The following SEC14L2 variants were observed in gnomAD, a reference collection of about 807,000 sequenced individuals.
SEC14L2 encodes SEC14 like lipid binding 2.
A neutral mutation model predicts 56.9 loss-of-function variants in SEC14L2; 50 were observed. The ratio of observed to expected loss-of-function variants is 0.88; its 90% CI spans 0.70 to 1.11. The LOEUF (loss-of-function observed/expected upper bound fraction) is 1.11. Ranked by LOEUF, SEC14L2 falls within the 50% of genes most tolerant of loss-of-function variation. The pLI is 0.00. For synonymous variants in SEC14L2, 179 were observed against 188.5 expected (o/e 0.95, Z 0.41); for missense variants, 414 against 500.7 (o/e 0.83, Z 1.65).
intron 1 of SEC14L2, 36 bp downstream of exon 1, chr22:30,397,206 G>T: frequency 6.7e-7 from 1 of 1,483,416 alleles, no homozygotes. Context: ...CCCGCCTCGG[G>T]CTGTGGCCCT....
chr22:30,407,106 C>T lies in SEC14L2; in HGVS notation c.186C>T (p.Phe62=). ...TTGTATCTTTGTAGCATGTGGAGTT[C>T]CGAAAGCAAAAGGACATTGACAACA... ...SEAMLRKHVE[F]RKQKDIDNII... is the part of the protein sequence containing the mutation. The change falls in exon 4 of 12, where the codon TTC becomes TTT. Residue 62 remains phenylalanine, a synonymous_variant. Coordinates refer to ENST00000615189, the MANE Select transcript of SEC14L2 (RefSeq NM_012429.5). 6.2e-7 allele frequency: 1 copy of T among 1,613,832 alleles called. No homozygotes were observed. Among genetic ancestry groups the T allele is most frequent in the African/African-American group, 1.3e-5 (1 of 75,008 alleles).
chr22:30,407,868 C>T (rs1476298799), intron 5 of SEC14L2, among the ~76,000 whole-genome samples: 2 of 152,056 alleles, frequency 1.3e-5, no homozygotes, highest in African/African-American at 2.4e-5. Context: ...TGGACCTGGC[C>T]GAGGCCCAGG....
intron 2 of SEC14L2, among the ~76,000 whole-genome samples, chr22:30,402,113 C>G (rs1164193841): frequency 6.6e-6 from 1 of 152,158 alleles, no homozygotes; most frequent in African/African-American, 2.4e-5. Flanking sequence ...CCCCCTACCC[C>G]AGTCCACCGC....
chr22:30,409,952 C>T (rs552054560), intron 7 of SEC14L2, among the ~76,000 whole-genome samples: 1 of 151,906 alleles, frequency 6.6e-6, no homozygotes, highest in African/African-American at 2.4e-5. Flanking sequence ...AATCCCAGCA[C>T]TTTGGGAGGC....
chr22:30,397,537 A>G lies in SEC14L2; in HGVS notation c.54+367A>G, dbSNP rs909979004. 3 of 303,960 alleles carry G rather than the reference A, an allele frequency of 9.9e-6. No homozygotes were observed. The Admixed American group carries it at 1.5e-4, about 15-fold the overall frequency. 18.8% of individuals were successfully genotyped at this position (303,960 alleles called of 1,614,324 possible). A position where few individuals can be genotyped will look rare whatever the true frequency, so the allele number is the denominator to read the frequency against. The stretch of plus-strand genomic sequence containing the variant: ...GGGGCAGGGGCCCAAGTTTCCTCCC[A>G]TTTCCGGGAGGCTTTCTTCTTGTAG... On this transcript the variant is annotated intron_variant, in intron 1 of 11. Coordinates refer to ENST00000615189, the MANE Select transcript of SEC14L2 (RefSeq NM_012429.5).
At chr22:30,397,522 C>T (rs1025991660) in intron 1 of SEC14L2, 33 of 337,036 alleles carry the variant, frequency 9.8e-5, no homozygotes, top group Non-Finnish European at 1.7e-4. Flanking sequence ...GGGGCAGGGG[C>T]CCAAGTTTCC....
chr22:30,419,929 T>C (rs1934471816), intron 11 of SEC14L2, among the ~76,000 whole-genome samples: 1 of 151,876 alleles, frequency 6.6e-6, no homozygotes, highest in South Asian at 2.1e-4. Flanking sequence ...TCTAAAATTA[T>C]GTGCCTTTTT....
rs1233808130 is a variant in SEC14L2, at chr22:30,423,566, GC to G, written c.*1163del. On this transcript the variant is annotated 3_prime_UTR_variant, in exon 12 of 12. Transcript: ENST00000615189. ...CACAGCCCTTACCCCAATCCCACGA[GC>G]CCCGCCAACGAACCACAGGTGCTGG... 1 of 152,302 alleles carries G rather than the reference GC, an allele frequency of 6.6e-6. No individual in the cohort carries two copies. Among genetic ancestry groups the G allele is most frequent in the Non-Finnish European group, 1.5e-5 (1 of 68,072 alleles). 9.4% of individuals were successfully genotyped at this position (152,302 alleles called of 1,614,324 possible).
In SEC14L2 at chr22:30,422,935, CAGG is replaced by C. The variant is rs1934561006; in HGVS notation, c.*532_*534del. On this transcript the variant is annotated 3_prime_UTR_variant, in exon 12 of 12. Coordinates refer to ENST00000615189, the MANE Select transcript of SEC14L2 (RefSeq NM_012429.5). ...GTAGCTTTTGGCTTTTCCCAGGTCT[CAGG>C]AGGTGGCCTGAGTCAGCACACATCT... 1 of 153,222 alleles carries C rather than the reference CAGG, an allele frequency of 6.5e-6. No individual in the cohort carries two copies. Among genetic ancestry groups the C allele is most frequent in the Non-Finnish European group, 1.5e-5 (1 of 68,458 alleles). The allele number at this position is 153,222 out of a possible 1,614,324, so 9.5% of individuals were successfully genotyped here. A position where few individuals can be genotyped will look rare whatever the true frequency, so the allele number is the denominator to read the frequency against.
In SEC14L2 at chr22:30,422,524, C is replaced by T; in HGVS notation, c.*117C>T. On this transcript the variant is annotated 3_prime_UTR_variant, in exon 12 of 12. Coordinates refer to ENST00000615189, the MANE Select transcript of SEC14L2 (RefSeq NM_012429.5). Reference sequence around the variant, plus strand: ...AAAGAAACTGGGCTGGAGGACAGACCTCAGGAGCTTTCATTTCAGTTAGGC... The same window carrying T: ...AAAGAAACTGGGCTGGAGGACAGACTTCAGGAGCTTTCATTTCAGTTAGGC... The T allele has an allele frequency of 2.3e-6, 3 of 1,311,330 alleles. No individual in the cohort carries two copies. The highest frequency in any genetic ancestry group is 2.8e-5 in the South Asian group (2 of 71,128). 81.2% of individuals were successfully genotyped at this position (1,311,330 alleles called of 1,614,324 possible).
At chr22:30,407,045 C>A (rs745695999) in intron 3 of SEC14L2, 50 bp from the exon 4 acceptor site, 3 of 1,587,396 alleles carry the variant, frequency 1.9e-6, no homozygotes, top group South Asian at 2.2e-5. Flanking sequence ...AACCACCATG[C>A]CTGGCTGTCC....
intron 2 of SEC14L2, among the ~76,000 whole-genome samples, chr22:30,401,625 T>C (rs1430319186): frequency 6.6e-6 from 1 of 151,234 alleles, no homozygotes; most frequent in African/African-American, 2.4e-5. Flanking sequence ...GCAATTCTCC[T>C]ACCTCAGCCT....
intron 11 of SEC14L2, among the ~76,000 whole-genome samples, chr22:30,419,612 G>A (rs988479188): frequency 1.3e-5 from 2 of 152,186 alleles, no homozygotes; most frequent in African/African-American, 4.8e-5. Context: ...CCCCGGAGCA[G>A]TGGTTCTAAA....
intron 2 of SEC14L2, 46 bp from the exon 3 acceptor site, chr22:30,406,296 C>CA (rs774238416): frequency 6.2e-7 from 1 of 1,604,276 alleles, no homozygotes; most frequent in East Asian, 2.2e-5. Flanking sequence ...CTTGGACACC[C>CA]AGTCCTGCTA....
rs1407210444 is a variant in SEC14L2 at position 30,422,808 on chromosome 22, A to AAT, written c.*401_*402insAT. ...CGGGGAGAAACTTGCTCCTAAATGA[A>AAT]CACATAAGTTTAGATCGCAATGAGG... On this transcript the variant is annotated 3_prime_UTR_variant, in exon 12 of 12. Transcript: ENST00000615189. The AAT allele has an allele frequency of 5.9e-6, 1 of 168,182 alleles. No individual in the cohort carries two copies. The highest frequency in any genetic ancestry group is 1.3e-5 in the Non-Finnish European group (1 of 77,184). 10.4% of individuals were successfully genotyped at this position (168,182 alleles called of 1,614,324 possible). A position where few individuals can be genotyped will look rare whatever the true frequency, so the allele number is the denominator to read the frequency against.
At position 30,397,176 on chromosome 22, in the gene SEC14L2, C is replaced by T. The variant is rs1243905942; in HGVS notation, c.54+6C>T. 2.6e-6 allele frequency: 4 copies of T among 1,533,240 alleles called. No homozygotes were observed. The highest frequency in any genetic ancestry group is 2.5e-5 in the East Asian group (1 of 39,814). 95.0% of individuals were successfully genotyped at this position (1,533,240 alleles called of 1,614,324 possible). The stretch of plus-strand genomic sequence containing the variant: ...AGAAGGAGGCATTGGCCAAGGTGAG[C>T]TGTAGCCCTGGCCCGGGCTCCCGCC... On this transcript the variant is annotated splice_donor_region_variant and intron_variant, in intron 1 of 11. Coordinates refer to ENST00000615189, the MANE Select transcript of SEC14L2 (RefSeq NM_012429.5).
At chr22:30,414,432 G>A (rs1029035109) in intron 8 of SEC14L2, among the ~76,000 whole-genome samples, 5 of 152,062 alleles carry the variant, frequency 3.3e-5, no homozygotes, top group Non-Finnish European at 7.4e-5. Context: ...AGATTCACTC[G>A]GGCTGGTCAC....
chr22:30,407,370 T>C (rs1437900239), intron 4 of SEC14L2, 45 bp from the exon 5 acceptor site: 3 of 1,595,064 alleles, frequency 1.9e-6, no homozygotes, highest in Admixed American at 3.3e-5. Flanking sequence ...CCAGGCAAGG[T>C]ATGGATGCCT....
At position 30,397,020 on chromosome 22, in the gene SEC14L2, C is replaced by G; in HGVS notation, c.-97C>G. The G allele has an allele frequency of 2.5e-6, 3 of 1,180,928 alleles. No homozygotes were observed. Among genetic ancestry groups the G allele is most frequent in the Non-Finnish European group, 3.7e-6 (3 of 821,200 alleles). 73.2% of individuals were successfully genotyped at this position (1,180,928 alleles called of 1,614,324 possible). ...CCGCGGCCCGGGCAAAAGGCTGGGACTTTACTCCGGGTGGCGGCGAGGACG... is the reference window on the plus strand; with the variant it reads ...CCGCGGCCCGGGCAAAAGGCTGGGAGTTTACTCCGGGTGGCGGCGAGGACG... On this transcript the variant is annotated 5_prime_UTR_variant, in exon 1 of 12. Transcript: ENST00000615189.
Sources: allele counts gnomAD v4.1 joint callset (sites outside exome capture counted in the v4.1 genomes callset), GRCh38; gene constraint gnomAD v4.1.1; transcripts MANE v1.5; gene names NCBI Gene and HGNC (gene_info 2026-07-23, HGNC 2026-07-21).